Variants in EFHD1 observed in about 807,000 individuals in gnomAD.
EFHD1 encodes the protein EF-hand domain-containing protein D1.
In EFHD1, 10 loss-of-function variants were observed where a neutral mutation model predicts 17.2. The observed-to-expected ratio is 0.58, with a 90% CI of 0.36 to 0.99. EFHD1 has a LOEUF of 0.99. Among genes scored for constraint, EFHD1 ranks in the 50% least tolerant of loss-of-function variants. The pLI is 0.01. For missense variants in EFHD1, 310 were observed against 327.5 expected, an observed-to-expected ratio of 0.95 and a Z score of 0.41; for synonymous variants, 153 against 142.0, an observed-to-expected ratio of 1.08 and a Z score of -0.55.
At chr2:232,609,054 CTTTTTTTTTT>C (rs1244427931) in intron 1 of EFHD1, among the ~76,000 whole-genome samples, 2 of 82,264 alleles carry the variant, frequency 2.4e-5, no homozygotes, top group African/African-American at 5.1e-5. Context: ...TGCATAAGTT[CTTTTTTTTTT>C]TTTTTTTTTT....
intron 3 of EFHD1, among the ~76,000 whole-genome samples, chr2:232,673,500 G>A (rs758579841): frequency 1.8e-4 from 27 of 152,050 alleles, no homozygotes; most frequent in South Asian, 4.1e-4. Flanking sequence ...ATGCTGCCAC[G>A]CCTTTCCCAA....
intron 3 of EFHD1, 28 bp from the exon 4 acceptor site, chr2:232,681,557 T>C (rs775664024): frequency 1.2e-6 from 2 of 1,608,778 alleles, no homozygotes; most frequent in South Asian, 2.2e-5. Context: ...CCTTACTCGT[T>C]TGGTCTATGT....
chr2:232,617,052 G>A (rs762046343), intron 1 of EFHD1, among the ~76,000 whole-genome samples: 7 of 152,192 alleles, frequency 4.6e-5, no homozygotes, highest in Admixed American at 2.0e-4. Flanking sequence ...TTACTCACAC[G>A]TGTGGGACCT....
At chr2:232,623,857 C>T (rs1255059835) in intron 1 of EFHD1, among the ~76,000 whole-genome samples, 2 of 152,146 alleles carry the variant, frequency 1.3e-5, no homozygotes, top group African/African-American at 4.8e-5. Flanking sequence ...AGCATTGCCT[C>T]CTGGCCCCCC....
At chr2:232,615,312 AGTGTGTGTGTGTGTGTGT>A (rs35239145) in intron 1 of EFHD1, among the ~76,000 whole-genome samples, 1 of 136,476 alleles carries the variant, frequency 7.3e-6, no homozygotes, top group African/African-American at 2.7e-5. Context: ...TGTCAACTAT[AGTGTGTGTGTGTGTGTGT>A]GTGTGTGTGT....
At chr2:232,678,887 A>G (rs1301610967) in intron 3 of EFHD1, among the ~76,000 whole-genome samples, 1 of 152,210 alleles carries the variant, frequency 6.6e-6, no homozygotes, top group Non-Finnish European at 1.5e-5. Context: ...AAAGGTGTTG[A>G]GACAATTAGC....
chr2:232,674,046 C>G (rs1468196943), intron 3 of EFHD1, among the ~76,000 whole-genome samples: 1 of 151,920 alleles, frequency 6.6e-6, no homozygotes, highest in Non-Finnish European at 1.5e-5. Context: ...GTAGCTGGGC[C>G]TACAGGCGCC....
intron 3 of EFHD1, among the ~76,000 whole-genome samples, chr2:232,675,753 C>T (rs1456816554): frequency 7.2e-5 from 11 of 152,006 alleles, no homozygotes; most frequent in Admixed American, 7.2e-4. Context: ...TAGGGACAAC[C>T]AGACTAGAGA....
At chr2:232,677,207 TACACACACACACACACACACAC>T (rs61607311) in intron 3 of EFHD1, among the ~76,000 whole-genome samples, 1,461 of 131,296 alleles carry the variant, frequency 0.011, 21 homozygotes, top group African/African-American at 0.041. Flanking sequence ...ACCCCATCTC[TACACACACACACACACACACAC>T]ACACACACAC....
chr2:232,616,321 CAG>C (rs1693928520), intron 1 of EFHD1, among the ~76,000 whole-genome samples: 1 of 151,470 alleles, frequency 6.6e-6, no homozygotes, highest in African/African-American at 2.4e-5. Flanking sequence ...TTTTTTGAGA[CAG>C]AGTCTCACTC....
At chr2:232,646,327 A>C (rs1694526099) in intron 1 of EFHD1, among the ~76,000 whole-genome samples, 1 of 151,522 alleles carries the variant, frequency 6.6e-6, no homozygotes, top group Admixed American at 6.6e-5. Context: ...CACTGAGCTG[A>C]ATGGCCCCCA....
chr2:232,656,692 C>T (rs1180148613), intron 1 of EFHD1, among the ~76,000 whole-genome samples: 1 of 152,144 alleles, frequency 6.6e-6, no homozygotes, highest in Non-Finnish European at 1.5e-5. Flanking sequence ...CCACCTCAGC[C>T]TCCCAAAGTG....
intron 1 of EFHD1, among the ~76,000 whole-genome samples, chr2:232,654,492 C>CTCACTGCT (rs1694723390): frequency 7.3e-6 from 1 of 137,300 alleles, no homozygotes. Flanking sequence ...ACAATCTTGG[C>CTCACTGCT]TCACTGCTAC....
At chr2:232,663,808 C>T (rs1428027134) in intron 2 of EFHD1, among the ~76,000 whole-genome samples, 3 of 151,722 alleles carry the variant, frequency 2.0e-5, no homozygotes, top group African/African-American at 4.8e-5. Context: ...TACAATAATG[C>T]GTCTTCTTTG....
chr2:232,639,772 A>G (rs1405079028), intron 1 of EFHD1, among the ~76,000 whole-genome samples: 16 of 152,096 alleles, frequency 1.1e-4, no homozygotes, highest in Admixed American at 9.8e-4. Flanking sequence ...CTTAGTTAGG[A>G]GCCCAGCACA....
rs1695288703 is a variant in EFHD1, at chr2:232,681,836, C to A, written c.*117C>A. The A allele has an allele frequency of 7.0e-7, 1 of 1,421,528 alleles. No individual in the cohort carries two copies. Among genetic ancestry groups the A allele is most frequent in the African/African-American group, 1.4e-5 (1 of 69,808 alleles). 88.1% of individuals were successfully genotyped at this position (1,421,528 alleles called of 1,614,324 possible). A position where few individuals can be genotyped will look rare whatever the true frequency, so the allele number is the denominator to read the frequency against. ...TCCCTGAGCCAGCATCTCCATCCAC[C>A]ACCCCGTGCCAGCTCCCGTGCCAGC... On this transcript the variant is annotated 3_prime_UTR_variant, in exon 4 of 4. Transcript: ENST00000264059.
chr2:232,626,131 G>A (rs531050523), intron 1 of EFHD1, among the ~76,000 whole-genome samples: 1 of 152,246 alleles, frequency 6.6e-6, no homozygotes, highest in African/African-American at 2.4e-5. Context: ...GGTTGAGGCT[G>A]CAGTGAGCCA....
intron 1 of EFHD1, among the ~76,000 whole-genome samples, chr2:232,607,184 G>A (rs1272099453): frequency 6.6e-6 from 1 of 151,936 alleles, no homozygotes. Flanking sequence ...GCTCATGCCT[G>A]TAATTCCAGC....
intron 1 of EFHD1, among the ~76,000 whole-genome samples, chr2:232,635,377 C>T (rs1477415089): frequency 3.3e-5 from 5 of 152,176 alleles, no homozygotes; most frequent in African/African-American, 4.8e-5. Context: ...GCCACTCAGG[C>T]TTCTTTTGTT....
Sources: gnomAD v4.1 joint callset for allele counts (sites outside exome capture counted in the v4.1 genomes callset) on GRCh38, gnomAD v4.1.1 for gene constraint, MANE v1.5 for transcripts, NCBI Gene and HGNC (gene_info 2026-07-23, HGNC 2026-07-21) for gene names.